The following CDK13 variants were observed in gnomAD, a reference collection of about 807,000 sequenced individuals.
CDK13 encodes cyclin-dependent kinase 13.
In CDK13, 40 loss-of-function variants were observed where a neutral mutation model predicts 137.6. That is an observed-to-expected ratio of 0.29 (90% CI 0.23 to 0.38). The LOEUF (loss-of-function observed/expected upper bound fraction) is 0.38. CDK13 is among the 10% of genes least tolerant of loss of function. The pLI is 1.00. For missense variants in CDK13, 1,704 were observed against 1,951.8 expected (o/e 0.87, Z 2.39); for synonymous variants, 869 against 760.1 (o/e 1.14, Z -2.36).
chr7:39,956,096 T>C (rs1191615166), intron 1 of CDK13, among the ~76,000 whole-genome samples: 1 of 151,860 alleles, frequency 6.6e-6, no homozygotes, highest in East Asian at 1.9e-4. Flanking sequence ...TATTCCGTAA[T>C]GAAAAAAAAA....
At chr7:40,028,719 T>A (rs112679169) in intron 5 of CDK13, among the ~76,000 whole-genome samples, 14 of 152,260 alleles carry the variant, frequency 9.2e-5, no homozygotes, top group African/African-American at 3.1e-4. Context: ...TCTTGTCTTT[T>A]AGGGACTTTT....
chr7:40,033,752 G>C (rs1430465474), intron 5 of CDK13, among the ~76,000 whole-genome samples: 3 of 151,802 alleles, frequency 2.0e-5, no homozygotes, highest in Non-Finnish European at 4.4e-5. Context: ...CGTAGAGGGA[G>C]GGAAGTGTTC....
chr7:39,990,188 CT>C (rs1784429864), intron 2 of CDK13, among the ~76,000 whole-genome samples: 1 of 151,798 alleles, frequency 6.6e-6, no homozygotes, highest in African/African-American at 2.4e-5. Flanking sequence ...CCTTATGCAT[CT>C]GTCTTTAATT....
Position 40,093,113 on chromosome 7 carries a change from T to G in CDK13, c.3564T>G (p.Thr1188=). The G allele has an allele frequency of 6.2e-7, 1 of 1,614,146 alleles. No homozygotes were observed. The highest frequency in any genetic ancestry group is 8.5e-7 in the Non-Finnish European group (1 of 1,180,020). ...AVQSAFAVLL[T]QLIKAQQSKQ... ...AGAGTGCATTTGCAGTTCTGTTGAC[T>G]CAGTTAATAAAGGCTCAGCAGTCAA... The change falls in exon 13 of 14, where the codon ACT becomes ACG. Residue 1188 remains threonine, a synonymous_variant. Transcript: ENST00000181839.
intron 5 of CDK13, among the ~76,000 whole-genome samples, chr7:40,021,333 C>G (rs1393100952): frequency 1.3e-5 from 2 of 151,776 alleles, no homozygotes; most frequent in Non-Finnish European, 2.9e-5. Flanking sequence ...CCCATCTCTA[C>G]TAAAAATACA....
In CDK13 at chr7:40,093,210, C is replaced by T. The variant is rs754087902; in HGVS notation, c.3661C>T (p.Pro1221Ser). The change falls in exon 13 of 14, where the codon CCT (proline) becomes TCT (serine). Residue 1221 changes from proline to serine, a missense_variant. Around this residue, in one of 5 missense-constraint regions of CDK13, gnomAD observed 475 missense variants for 579.3 expected, o/e 0.82. Transcript: ENST00000181839. ...GHEASLQLRP[P>S]PEPSTPVSGQ... ...TGAAGCGTCATTACAACTCAGGCCACCTCCAGAACCTAGCACTCCGGTGTC... is the reference window on the plus strand; with the variant it reads ...TGAAGCGTCATTACAACTCAGGCCATCTCCAGAACCTAGCACTCCGGTGTC... 8 of 1,613,318 alleles carry T rather than the reference C, an allele frequency of 5.0e-6. No homozygotes were observed. Among genetic ancestry groups the T allele is most frequent in the Non-Finnish European group, 6.8e-6 (8 of 1,179,706 alleles).
intron 1 of CDK13, among the ~76,000 whole-genome samples, chr7:39,958,430 A>G (rs1007632231): frequency 6.6e-6 from 1 of 152,200 alleles, no homozygotes; most frequent in African/African-American, 2.4e-5. Context: ...AGAAAAGTAT[A>G]AGAGATTAAA....
intron 5 of CDK13, among the ~76,000 whole-genome samples, chr7:40,019,876 A>G (rs1275250948): frequency 1.3e-5 from 2 of 152,168 alleles, no homozygotes; most frequent in African/African-American, 2.4e-5. Context: ...AGATGTTATC[A>G]GAAACTCAGT....
At chr7:39,972,782 C>T (rs1784027769) in intron 1 of CDK13, among the ~76,000 whole-genome samples, 1 of 152,036 alleles carries the variant, frequency 6.6e-6, no homozygotes, top group Admixed American at 6.6e-5. Flanking sequence ...CAAGTTTTTG[C>T]ATGAGCATTT....
At chr7:39,958,639 A>G (rs780554719) in intron 1 of CDK13, among the ~76,000 whole-genome samples, 18 of 152,050 alleles carry the variant, frequency 1.2e-4, no homozygotes, top group Admixed American at 5.2e-4. Context: ...ATTCTGTTGT[A>G]TGGATATAGC....
chr7:40,083,781 T>A (rs4720349), intron 11 of CDK13, among the ~76,000 whole-genome samples: 36,927 of 152,124 alleles, frequency 0.24, 8,003 homozygotes, highest in African/African-American at 0.57. Flanking sequence ...TTATGGAATG[T>A]ATCTTGTTAG....
chr7:40,078,710 C>G lies in CDK13; in HGVS notation c.2898-10C>G, dbSNP rs765843366. ...GAACACATCTAACTTTTGTAATCCT[C>G]TCATGCTAGTATTCCTGCAGCTGCG... On this transcript the variant is annotated splice_polypyrimidine_tract_variant and intron_variant, in intron 10 of 13. Coordinates refer to ENST00000181839, the MANE Select transcript of CDK13 (RefSeq NM_003718.5). 9.5e-6 allele frequency: 14 copies of G among 1,474,188 alleles called. 1 individual carries two copies. The South Asian group carries it at 2.1e-4, about 22-fold the overall frequency. 91.3% of individuals were successfully genotyped at this position (1,474,188 alleles called of 1,614,324 possible). A position where few individuals can be genotyped will look rare whatever the true frequency, so the allele number is the denominator to read the frequency against.
chr7:40,093,906 CAAA>C (rs1181608576), intron 13 of CDK13, among the ~76,000 whole-genome samples: 2 of 102,882 alleles, frequency 1.9e-5, no homozygotes, highest in Non-Finnish European at 4.0e-5. Flanking sequence ...ACCGTGTCAC[CAAA>C]AAAAAAAAAA....
At chr7:40,042,985 C>T (rs1378747062) in intron 5 of CDK13, among the ~76,000 whole-genome samples, 3 of 152,156 alleles carry the variant, frequency 2.0e-5, no homozygotes, top group African/African-American at 7.2e-5. Context: ...CCATGTCGCC[C>T]CAGGCTAGTC....
intron 5 of CDK13, among the ~76,000 whole-genome samples, chr7:40,011,181 A>G (rs1429397043): frequency 6.6e-6 from 1 of 152,180 alleles, no homozygotes; most frequent in Non-Finnish European, 1.5e-5. Flanking sequence ...AGAATAACCA[A>G]AAGAATCTTA....
At chr7:40,038,749 G>A (rs1211052581) in intron 5 of CDK13, among the ~76,000 whole-genome samples, 1 of 152,150 alleles carries the variant, frequency 6.6e-6, no homozygotes, top group Non-Finnish European at 1.5e-5. Flanking sequence ...AGGCTGGAGT[G>A]CAATGGCATG....
At chr7:39,986,702 T>TACTTTGTTTGGAG (rs1784344700) in intron 1 of CDK13, 1 of 152,208 alleles carries the variant, frequency 6.6e-6, no homozygotes, top group African/African-American at 2.4e-5. Flanking sequence ...GAGCCTCAGA[T>TACTTTGTTTGGAG]TAAGAGTGAT....
intron 1 of CDK13, among the ~76,000 whole-genome samples, chr7:39,958,269 G>A (rs1420398303): frequency 6.6e-6 from 1 of 152,024 alleles, no homozygotes; most frequent in Non-Finnish European, 1.5e-5. Flanking sequence ...ACTTTCACTG[G>A]GATATTTTAT....
At chr7:40,062,682 T>C in intron 7 of CDK13, 144 bp from the exon 8 acceptor site, 1 of 684,444 alleles carries the variant, frequency 1.5e-6, no homozygotes, top group Non-Finnish European at 2.6e-6. Flanking sequence ...TAGATACCTT[T>C]GGATGTCTGT....
Sources: gnomAD v4.1 joint callset for allele counts (sites outside exome capture counted in the v4.1 genomes callset) on GRCh38, gnomAD v4.1.1 for gene constraint, gnomAD v4.1.1 regional missense constraint, MANE v1.5 for transcripts, NCBI Gene and HGNC (gene_info 2026-07-23, HGNC 2026-07-21) for gene names.